Variants in PCDH7 observed in about 807,000 individuals in gnomAD.
PCDH7 encodes the protein protocadherin 7.
PCDH7 carries 17 observed loss-of-function variants against 58.9 expected under a neutral mutation model. The ratio of observed to expected loss-of-function variants is 0.29; its 90% confidence interval spans 0.20 to 0.43. PCDH7 has a LOEUF of 0.43. PCDH7 is among the 20% of genes least tolerant of loss of function. The probability of loss-of-function intolerance (pLI) is 1.00; values close to 1 mark genes in which losing one functional copy is unlikely to be tolerated. For missense variants in PCDH7, 1,274 were observed against 1,441.0 expected (o/e 0.88, Z 1.88); for synonymous variants, 664 against 616.4 (o/e 1.08, Z -1.14).
At chr4:30,875,745 A>T (rs534199294) in intron 1 of PCDH7, among the ~76,000 whole-genome samples, 1 of 152,202 alleles carries the variant, frequency 6.6e-6, no homozygotes, top group Admixed American at 6.6e-5. Flanking sequence ...GTCTTAGCTT[A>T]AGGTTCTTAG....
At chr4:31,021,613 G>C (rs926464747) in intron 3 of PCDH7, among the ~76,000 whole-genome samples, 2 of 152,082 alleles carry the variant, frequency 1.3e-5, no homozygotes, top group African/African-American at 4.8e-5. Flanking sequence ...CTTACCTCTT[G>C]TAATTCCAGC....
At chr4:30,869,932 C>T (rs1324494405) in intron 1 of PCDH7, among the ~76,000 whole-genome samples, 4 of 152,138 alleles carry the variant, frequency 2.6e-5, no homozygotes, top group Admixed American at 2.6e-4. Context: ...TCTCCACATC[C>T]TCTCCAGCAT....
In PCDH7 at chr4:31,080,048, C is replaced by G. The variant is rs547813241; in HGVS notation, c.*8-62425C>G. Reference sequence around the variant, plus strand: ...CTGACTGCCTGTTACCACCTAATACCTTCCTGCAATAAGATAAAAGCAGGG... The same window carrying G: ...CTGACTGCCTGTTACCACCTAATACGTTCCTGCAATAAGATAAAAGCAGGG... On this transcript the variant is annotated intron_variant, in intron 3 of 3. Coordinates refer to the PCDH7 transcript ENST00000509759. Among the ~76,000 whole-genome samples, 6 of 152,256 alleles carry G rather than the reference C, an allele frequency of 3.9e-5. No homozygotes were observed. The East Asian group carries it at 1.2e-3, about 29-fold the overall frequency.
intron 2 of PCDH7, among the ~76,000 whole-genome samples, chr4:30,945,790 C>A (rs978871730): frequency 2.6e-5 from 4 of 152,080 alleles, no homozygotes; most frequent in African/African-American, 4.8e-5. Flanking sequence ...TCCTCCTTTG[C>A]AAAGGTTTCC....
intron 1 of PCDH7, among the ~76,000 whole-genome samples, chr4:30,753,443 A>G (rs1718837718): frequency 6.6e-6 from 1 of 152,222 alleles, no homozygotes; most frequent in Admixed American, 6.5e-5. Flanking sequence ...ACTTGCACAT[A>G]TTGCTTAGTT....
chr4:30,758,940 G>GTTTTTTTTTTT (rs11463767), intron 1 of PCDH7, among the ~76,000 whole-genome samples: 1 of 124,236 alleles, frequency 8.0e-6, no homozygotes, highest in Non-Finnish European at 1.7e-5. Context: ...TTGAAGAAGT[G>GTTTTTTTTTTT]TTTTTTTTTT....
intron 3 of PCDH7, among the ~76,000 whole-genome samples, chr4:31,089,732 T>A (rs529016594): frequency 6.6e-6 from 1 of 152,208 alleles, no homozygotes; most frequent in South Asian, 2.1e-4. Context: ...TCCCCACAAT[T>A]TTACTTAGTG....
At chr4:31,067,223 C>G (rs1499474) in intron 3 of PCDH7, among the ~76,000 whole-genome samples, 1 of 151,820 alleles carries the variant, frequency 6.6e-6, no homozygotes, top group African/African-American at 2.4e-5. Context: ...GGGCCAGTGC[C>G]CATGAATCTG....
chr4:30,756,508 A>AG (rs2109264055), intron 1 of PCDH7, among the ~76,000 whole-genome samples: 1 of 152,358 alleles, frequency 6.6e-6, no homozygotes, highest in South Asian at 2.1e-4. Flanking sequence ...CTGATGCTAG[A>AG]GACCTTGGTC....
rs189057850 is a variant in PCDH7, at chr4:31,062,978, A to C, written c.*8-79495A>C. ...ATAGCTAGTATAACTACAGAAAGAG[A>C]GAATATGTGTGTTTATTACATATGT... is the stretch of plus-strand genomic sequence containing the variant. On this transcript the variant is annotated intron_variant, in intron 3 of 3. Transcript: ENST00000509759. Among the ~76,000 whole-genome samples, 22 of 151,958 alleles carry C rather than the reference A, an allele frequency of 1.4e-4. No homozygotes were observed. The East Asian group carries it at 4.3e-3, about 29-fold the overall frequency.
intron 1 of PCDH7, among the ~76,000 whole-genome samples, chr4:30,773,103 A>G (rs1252475618): frequency 6.6e-6 from 1 of 152,146 alleles, no homozygotes; most frequent in Non-Finnish European, 1.5e-5. Context: ...GGATTTTACT[A>G]TCTTGGCCAG....
intron 1 of PCDH7, among the ~76,000 whole-genome samples, chr4:30,826,746 G>C (rs1729131756): frequency 6.6e-6 from 1 of 151,974 alleles, no homozygotes; most frequent in Non-Finnish European, 1.5e-5. Context: ...TTATTTTTGA[G>C]ACAGGGTCTC....
chr4:31,103,789 A>C (rs886368611), intron 3 of PCDH7, among the ~76,000 whole-genome samples: 3 of 152,140 alleles, frequency 2.0e-5, no homozygotes, highest in Non-Finnish European at 4.4e-5. Context: ...CCACGTACCT[A>C]TTTAGAAACA....
intron 3 of PCDH7, among the ~76,000 whole-genome samples, chr4:31,095,365 C>G (rs574926004): frequency 1.3e-5 from 2 of 152,188 alleles, no homozygotes; most frequent in South Asian, 2.1e-4. Flanking sequence ...ATGGGGGTAC[C>G]TGCAAGCGTT....
intron 3 of PCDH7, among the ~76,000 whole-genome samples, chr4:31,138,025 A>C (rs1719820840): frequency 6.6e-6 from 1 of 152,124 alleles, no homozygotes. Flanking sequence ...TTCAAGTCTT[A>C]ATGAGTCTAC....
At chr4:30,783,914 A>G (rs1723095093) in intron 1 of PCDH7, among the ~76,000 whole-genome samples, 1 of 152,022 alleles carries the variant, frequency 6.6e-6, no homozygotes, top group Non-Finnish European at 1.5e-5. Flanking sequence ...TCAAGGAATG[A>G]TGTGGCTTCA....
intron 1 of PCDH7, among the ~76,000 whole-genome samples, chr4:30,778,539 C>A (rs1228796944): frequency 6.6e-6 from 1 of 151,918 alleles, no homozygotes; most frequent in African/African-American, 2.4e-5. Flanking sequence ...TCAAACTCTT[C>A]AAAAATAAAA....
intron 1 of PCDH7, among the ~76,000 whole-genome samples, chr4:30,841,579 T>C (rs1731228292): frequency 6.6e-6 from 1 of 152,124 alleles, no homozygotes; most frequent in African/African-American, 2.4e-5. Context: ...CTTTGAAACA[T>C]TTTCAGCCTT....
chr4:31,079,353 T>G (rs1403766107), intron 3 of PCDH7, among the ~76,000 whole-genome samples: 5 of 83,648 alleles, frequency 6.0e-5, no homozygotes, highest in African/African-American at 1.6e-4. Context: ...TATATATATA[T>G]ATATATATAT....
Sources: gnomAD v4.1 joint callset for allele counts (sites outside exome capture counted in the v4.1 genomes callset) on GRCh38, gnomAD v4.1.1 for gene constraint, MANE v1.5 for transcripts, NCBI Gene and HGNC (gene_info 2026-07-23, HGNC 2026-07-21) for gene names.